The following FRMPD4 variants were observed in gnomAD, a reference collection of about 807,000 sequenced individuals.
FRMPD4 encodes FERM and PDZ domain containing 4, also known as FERM and PDZ domain-containing protein 4.
A neutral mutation model predicts 94.1 loss-of-function variants in FRMPD4; 22 were observed. That is an observed-to-expected ratio of 0.23 (90% confidence interval 0.17 to 0.33). The LOEUF is 0.33. FRMPD4 is among the 10% of genes least tolerant of loss of function. The pLI, the probability that FRMPD4 is intolerant of heterozygous loss-of-function variation, is 1.00. For missense variants in FRMPD4, 1,111 were observed against 1,339.9 expected, an observed-to-expected ratio of 0.83 and a Z score of 2.67; for synonymous variants, 631 against 548.6, an observed-to-expected ratio of 1.15 and a Z score of -2.10.
chrX:12,595,028 G>A (rs906151929), intron 2 of FRMPD4, among the ~76,000 whole-genome samples: 2 of 111,764 alleles, frequency 1.8e-5, no homozygotes, highest in Admixed American at 1.9e-4. Context: ...ATAATTGAGA[G>A]TAGCTCTTGG....
At chrX:12,664,621 A>T (rs1206902647) in intron 4 of FRMPD4, among the ~76,000 whole-genome samples, 1 of 111,245 alleles carries the variant, frequency 9.0e-6, no homozygotes, top group Non-Finnish European at 1.9e-5. Flanking sequence ...TTTATTGAGG[A>T]TTTTCGCATT....
intron 3 of FRMPD4, among the ~76,000 whole-genome samples, chrX:12,104,590 A>C (rs1262065524): frequency 8.9e-6 from 1 of 112,690 alleles, no homozygotes; most frequent in Non-Finnish European, 1.9e-5. Context: ...CACACATAAA[A>C]ATAGTTAAAA....
At chrX:12,482,666 G>T (rs2057700475) in intron 1 of FRMPD4, among the ~76,000 whole-genome samples, 1 of 112,279 alleles carries the variant, frequency 8.9e-6, no homozygotes, top group African/African-American at 3.2e-5. Context: ...TTTTCTGGTA[G>T]CCATATTTTA....
At chrX:11,851,098 G>C (rs781102444) in intron 1 of FRMPD4, among the ~76,000 whole-genome samples, 1 of 111,861 alleles carries the variant, frequency 8.9e-6, no homozygotes, top group East Asian at 2.8e-4. Flanking sequence ...TGGCACAGGT[G>C]GGGTGGAAAG....
intron 3 of FRMPD4, among the ~76,000 whole-genome samples, chrX:12,100,555 T>A (rs1179275058): frequency 2.7e-5 from 3 of 111,845 alleles, no homozygotes; most frequent in Non-Finnish European, 3.8e-5. Context: ...AGTAGCTGAC[T>A]GTTGAAACAG....
chrX:12,482,425 G>A (rs1187865159), intron 1 of FRMPD4, among the ~76,000 whole-genome samples: 1 of 111,938 alleles, frequency 8.9e-6, no homozygotes, highest in East Asian at 2.8e-4. Context: ...TGTAGTTCTT[G>A]TGTTCATTTA....
rs748776204 is a variant in FRMPD4 at position 12,710,491 on chromosome X, G to A, written c.1563G>A (p.Ser521=). The A allele has an allele frequency of 3.7e-5, 45 of 1,202,098 alleles. No individual in the cohort carries two copies. The East Asian group carries it at 5.9e-4, about 16-fold the overall frequency. The change falls in exon 14 of 17, where the codon TCG becomes TCA. Residue 521 remains serine, a synonymous_variant. Coordinates refer to ENST00000675598, the MANE Select transcript of FRMPD4 (RefSeq NM_001368397.1). ...YYRLLVDSRR[S]IFNMANKKNT... ...GGCTGCTTGTTGATTCCAGGAGGTC[G>A]ATATTTAACATGGCCAACAAGAAAA...
intron 1 of FRMPD4, among the ~76,000 whole-genome samples, chrX:12,199,499 A>G (rs1183271898): frequency 9.0e-6 from 1 of 111,551 alleles, no homozygotes. Flanking sequence ...ATAGGAATGT[A>G]CCTGTGTACA....
At chrX:12,617,193 T>C (rs906617832) in intron 4 of FRMPD4, among the ~76,000 whole-genome samples, 1 of 112,450 alleles carries the variant, frequency 8.9e-6, no homozygotes, top group Non-Finnish European at 1.9e-5. Flanking sequence ...GCCACGTGTT[T>C]TTGTAAAGTC....
At chrX:12,477,213 C>A (rs2057612623) in intron 1 of FRMPD4, among the ~76,000 whole-genome samples, 1 of 111,140 alleles carries the variant, frequency 9.0e-6, no homozygotes, top group African/African-American at 3.3e-5. Flanking sequence ...GGACAAAAAA[C>A]CAAACACCAC....
chrX:11,919,799 C>A (rs1206508448), intron 3 of FRMPD4, among the ~76,000 whole-genome samples: 2 of 112,021 alleles, frequency 1.8e-5, no homozygotes, highest in Admixed American at 9.5e-5. Context: ...CTCCTCCTTG[C>A]CCCTCTTCAG....
intron 1 of FRMPD4, among the ~76,000 whole-genome samples, chrX:12,229,730 A>G (rs976912188): frequency 1.8e-5 from 2 of 111,822 alleles, no homozygotes; most frequent in South Asian, 3.8e-4. Flanking sequence ...TAGTTCCATT[A>G]TCTTCCTCCC....
intron 1 of FRMPD4, among the ~76,000 whole-genome samples, chrX:11,857,543 A>G (rs2053660536): frequency 8.9e-6 from 1 of 112,845 alleles, no homozygotes; most frequent in South Asian, 3.6e-4. Context: ...TACACTATGT[A>G]CAAAAATTAA....
At chrX:11,823,301 TAATA>T (rs1266246911) in intron 1 of FRMPD4, among the ~76,000 whole-genome samples, 4 of 109,025 alleles carry the variant, frequency 3.7e-5, no homozygotes, top group African/African-American at 6.7e-5. Context: ...AATATAATAA[TAATA>T]ATTATTATTA....
chrX:12,682,387 A>G (rs2059981586), intron 5 of FRMPD4, among the ~76,000 whole-genome samples: 1 of 112,297 alleles, frequency 8.9e-6, no homozygotes, highest in Non-Finnish European at 1.9e-5. Context: ...GTCAATTACT[A>G]GAATTCTTTA....
At chrX:12,448,328 A>G (rs1328728815) in intron 1 of FRMPD4, among the ~76,000 whole-genome samples, 1 of 112,400 alleles carries the variant, frequency 8.9e-6, no homozygotes, top group African/African-American at 3.2e-5. Context: ...TCGGACAATA[A>G]GAGGATCACA....
intron 4 of FRMPD4, among the ~76,000 whole-genome samples, chrX:12,628,402 C>G (rs1323192514): frequency 9.0e-6 from 1 of 111,525 alleles, no homozygotes; most frequent in Non-Finnish European, 1.9e-5. Flanking sequence ...TTTGACTACT[C>G]ACCTAGAAAG....
At chrX:12,521,852 C>G (rs189128622) in intron 2 of FRMPD4, among the ~76,000 whole-genome samples, 1,129 of 108,559 alleles carry the variant, frequency 0.01, 11 homozygotes, top group Non-Finnish European at 0.016. Flanking sequence ...AGAATAAAGT[C>G]AAGGAAGCTT....
intron 2 of FRMPD4, among the ~76,000 whole-genome samples, chrX:12,558,926 AT>A (rs1258144989): frequency 8.9e-6 from 1 of 111,920 alleles, no homozygotes; most frequent in Admixed American, 9.5e-5. Flanking sequence ...ATAAGAATAA[AT>A]AATCTCTAAG....
Sources: gnomAD v4.1 joint callset for allele counts (sites outside exome capture counted in the v4.1 genomes callset) on GRCh38, gnomAD v4.1.1 for gene constraint, MANE v1.5 for transcripts, NCBI Gene and HGNC (gene_info 2026-07-23, HGNC 2026-07-21) for gene names.